The following NPAS3 variants were observed in gnomAD, a reference collection of about 807,000 sequenced individuals.
NPAS3 encodes neuronal PAS domain protein 3.
NPAS3 carries 14 observed loss-of-function variants against 73.1 expected under a neutral mutation model. That is an observed-to-expected ratio of 0.19 (90% confidence interval 0.13 to 0.30). The LOEUF (loss-of-function observed/expected upper bound fraction) is 0.30, where lower values mean the gene tolerates loss of function less well. NPAS3 is among the 10% of genes least tolerant of loss of function. The pLI, the probability that NPAS3 is intolerant of heterozygous loss-of-function variation, is 1.00. For synonymous variants in NPAS3, 620 were observed against 541.5 expected, an observed-to-expected ratio of 1.14 and a Z score of -2.01; for missense variants, 1,096 against 1,250.0, an observed-to-expected ratio of 0.88 and a Z score of 1.86.
intron 2 of NPAS3, among the ~76,000 whole-genome samples, chr14:33,084,607 C>T (rs545872148): frequency 6.6e-6 from 1 of 152,300 alleles, no homozygotes; most frequent in East Asian, 1.9e-4. Context: ...GACACTCTAT[C>T]TTGAGTCCCA....
At chr14:33,260,259 A>G (rs1225864856) in intron 3 of NPAS3, among the ~76,000 whole-genome samples, 1 of 152,100 alleles carries the variant, frequency 6.6e-6, no homozygotes, top group African/African-American at 2.4e-5. Flanking sequence ...ACATCTGGAA[A>G]TGATTTGTTG....
chr14:33,516,881 G>A (rs547820177), intron 4 of NPAS3, among the ~76,000 whole-genome samples: 78 of 152,044 alleles, frequency 5.1e-4, no homozygotes, highest in Non-Finnish European at 1.0e-3. Flanking sequence ...GGACTGCATA[G>A]GTAAAGTGGC....
At chr14:33,405,284 C>A (rs976788156) in intron 4 of NPAS3, among the ~76,000 whole-genome samples, 2 of 152,022 alleles carry the variant, frequency 1.3e-5, no homozygotes, top group African/African-American at 4.8e-5. Flanking sequence ...TCCCTTTAGG[C>A]AGGAAGAGGC....
At chr14:33,259,258 C>T (rs1315878494) in intron 3 of NPAS3, among the ~76,000 whole-genome samples, 1 of 152,160 alleles carries the variant, frequency 6.6e-6, no homozygotes, top group Non-Finnish European at 1.5e-5. Context: ...ATCGAAACAT[C>T]AGCTATGATT....
intron 1 of NPAS3, among the ~76,000 whole-genome samples, chr14:32,968,837 A>G (rs186311553): frequency 1.0e-3 from 158 of 151,068 alleles, no homozygotes; most frequent in African/African-American, 3.8e-3. Flanking sequence ...GGTTTGTTAC[A>G]TAGGTAAATG....
chr14:33,673,497 T>C (rs746689580), intron 5 of NPAS3, among the ~76,000 whole-genome samples: 3 of 152,180 alleles, frequency 2.0e-5, no homozygotes, highest in Non-Finnish European at 4.4e-5. Context: ...GGACACAAAA[T>C]TACACAATAA....
At chr14:33,163,131 T>A (rs2044970457) in intron 2 of NPAS3, among the ~76,000 whole-genome samples, 1 of 152,248 alleles carries the variant, frequency 6.6e-6, no homozygotes, top group African/African-American at 2.4e-5. Context: ...TTTAATCTTA[T>A]TTTGCTTTGT....
At chr14:33,308,531 TACACACACACACACACACACACAC>T (rs550021518) in intron 3 of NPAS3, among the ~76,000 whole-genome samples, 108 of 115,822 alleles carry the variant, frequency 9.3e-4, no homozygotes, top group African/African-American at 1.2e-3. Flanking sequence ...TATATATACA[TACACACACACACACACACACACAC>T]ATACATACAT....
At chr14:33,668,794 G>A (rs1412566486) in intron 5 of NPAS3, among the ~76,000 whole-genome samples, 1 of 152,178 alleles carries the variant, frequency 6.6e-6, no homozygotes, top group African/African-American at 2.4e-5. Context: ...ACTCCAACCT[G>A]GGTGACAGGG....
At chr14:33,109,809 T>A (rs1290346539) in intron 2 of NPAS3, among the ~76,000 whole-genome samples, 1 of 128,974 alleles carries the variant, frequency 7.8e-6, no homozygotes, top group African/African-American at 3.0e-5. Flanking sequence ...AATTTGCATG[T>A]CTTTTTTTTT....
At chr14:33,150,340 C>A (rs1363657337) in intron 2 of NPAS3, among the ~76,000 whole-genome samples, 1 of 152,202 alleles carries the variant, frequency 6.6e-6, no homozygotes, top group Non-Finnish European at 1.5e-5. Context: ...TATTTTGGCT[C>A]TGTGATGTCA....
chr14:33,508,594 C>T (rs2052887994), intron 4 of NPAS3, among the ~76,000 whole-genome samples: 1 of 152,054 alleles, frequency 6.6e-6, no homozygotes, highest in Non-Finnish European at 1.5e-5. Context: ...ACAGGGCTCA[C>T]ACAAACGCCT....
At chr14:33,603,216 A>T (rs995740199) in intron 5 of NPAS3, among the ~76,000 whole-genome samples, 1 of 152,222 alleles carries the variant, frequency 6.6e-6, no homozygotes, top group African/African-American at 2.4e-5. Flanking sequence ...TGCAATGTGC[A>T]TGGGATTAAC....
intron 6 of NPAS3, among the ~76,000 whole-genome samples, chr14:33,726,069 T>C (rs1457649992): frequency 6.6e-6 from 1 of 152,186 alleles, no homozygotes; most frequent in Non-Finnish European, 1.5e-5. Context: ...GTTTAAATTC[T>C]TTAATTAGCA....
rs888658504 is a variant in NPAS3, at chr14:33,147,052, GT to G, written c.141-68120del. Among the ~76,000 whole-genome samples, 82 of 148,812 alleles carry G rather than the reference GT, an allele frequency of 5.5e-4. 1 individual carries two copies. Among genetic ancestry groups the G allele is most frequent in the East Asian group, 3.1e-3 (16 of 5,094 alleles). ...GCAAGTTAAGATTTTTGTATGTCAGGTTTTTTTTTTCTTTTCATTTTTAAAG... is the reference window on the plus strand; with the variant it reads ...GCAAGTTAAGATTTTTGTATGTCAGGTTTTTTTTTCTTTTCATTTTTAAAG... On this transcript the variant is annotated intron_variant, in intron 2 of 11. Transcript: ENST00000356141.
chr14:33,751,508 A>G (rs368432775), intron 7 of NPAS3, among the ~76,000 whole-genome samples: 1 of 152,214 alleles, frequency 6.6e-6, no homozygotes, highest in African/African-American at 2.4e-5. Context: ...TGCAAAATGC[A>G]TCAGAGATAC....
intron 1 of NPAS3, among the ~76,000 whole-genome samples, chr14:33,020,879 G>T (rs2039571124): frequency 6.6e-6 from 1 of 152,066 alleles, no homozygotes. Flanking sequence ...TCCTGCCTCA[G>T]TCTCCTGAGT....
rs377199290 is a variant in NPAS3, at chr14:33,412,203, C to T, written c.468+44935C>T. Among the ~76,000 whole-genome samples the T allele has an allele frequency of 3.9e-5, 6 of 152,120 alleles. No homozygotes were observed. In the East Asian group the frequency reaches 7.7e-4, roughly 20 times the overall value. ...ACATGATCTCAGCTTATTGCAACCT[C>T]CACCTCCCAGGCTCAAGCAATTCTT... On this transcript the variant is annotated intron_variant, in intron 4 of 11. Transcript: ENST00000356141.
intron 6 of NPAS3, among the ~76,000 whole-genome samples, chr14:33,718,784 G>A (rs533568431): frequency 2.0e-4 from 30 of 152,178 alleles, no homozygotes; most frequent in South Asian, 1.0e-3. Context: ...TACGCCCTTC[G>A]TAGGGAAAAG....
Sources: allele counts gnomAD v4.1 joint callset (sites outside exome capture counted in the v4.1 genomes callset), GRCh38; gene constraint gnomAD v4.1.1; transcripts MANE v1.5; gene names NCBI Gene and HGNC (gene_info 2026-07-23, HGNC 2026-07-21).